NARS2: variants seen among roughly 807,000 people sequenced by gnomAD.
NARS2 encodes asparaginyl-tRNA synthetase.
Under a neutral mutation model 62.9 loss-of-function variants are expected in NARS2, and 60 were observed. The observed-to-expected ratio is 0.95, with a 90% CI of 0.77 to 1.18. The LOEUF is 1.18. Ranked by LOEUF, NARS2 falls within the 50% of genes most tolerant of loss-of-function variation. The pLI is 0.00. For missense variants in NARS2, 619 were observed against 576.4 expected (o/e 1.07, Z -0.76); for synonymous variants, 196 against 200.0 (o/e 0.98, Z 0.17).
intron 11 of NARS2, among the ~76,000 whole-genome samples, chr11:78,457,204 T>C (rs1858197354): frequency 6.6e-6 from 1 of 152,230 alleles, no homozygotes. Context: ...GAAAGGAAGA[T>C]AAATTATAAC....
At chr11:78,469,800 G>A (rs138191040) in intron 9 of NARS2, among the ~76,000 whole-genome samples, 1 of 152,130 alleles carries the variant, frequency 6.6e-6, no homozygotes, top group Admixed American at 6.5e-5. Flanking sequence ...GGTGAGGAGA[G>A]AGTAGACAGA....
intron 4 of NARS2, among the ~76,000 whole-genome samples, chr11:78,563,272 C>T (rs1416717096): frequency 1.5e-5 from 2 of 134,850 alleles, no homozygotes; most frequent in African/African-American, 5.7e-5. Flanking sequence ...GGTTGGAGTG[C>T]AGTGGCGCAA....
intron 9 of NARS2, 54 bp downstream of exon 9, chr11:78,478,382 AGT>A (rs1381016966): frequency 1.3e-6 from 1 of 748,540 alleles, no homozygotes; most frequent in African/African-American, 1.8e-5. Context: ...ATTATAATAT[AGT>A]GTGATAAATA....
chr11:78,544,559 G>A (rs1327036535), intron 5 of NARS2, among the ~76,000 whole-genome samples: 1 of 152,108 alleles, frequency 6.6e-6, no homozygotes, highest in African/African-American at 2.4e-5. Flanking sequence ...TTGGGAGACT[G>A]AGGCAGGCAG....
chr11:78,528,266 C>G (rs1861359909), intron 6 of NARS2, among the ~76,000 whole-genome samples: 1 of 152,094 alleles, frequency 6.6e-6, no homozygotes, highest in South Asian at 2.1e-4. Context: ...CACAGAATTA[C>G]AGAATATAAG....
intron 6 of NARS2, 72 bp from the exon 7 acceptor site, chr11:78,493,267 G>T: frequency 6.9e-7 from 1 of 1,445,104 alleles, no homozygotes; most frequent in Non-Finnish European, 9.5e-7. Flanking sequence ...TATTCAGTGA[G>T]CTCTTACGGA....
At chr11:78,525,915 C>T (rs1042256685) in intron 6 of NARS2, among the ~76,000 whole-genome samples, 1 of 152,056 alleles carries the variant, frequency 6.6e-6, no homozygotes, top group East Asian at 1.9e-4. Flanking sequence ...CTAGTCTAAT[C>T]ATGAGAAAAA....
chr11:78,540,584 A>C (rs1033622605), intron 5 of NARS2, among the ~76,000 whole-genome samples: 3 of 152,184 alleles, frequency 2.0e-5, no homozygotes, highest in African/African-American at 7.2e-5. Context: ...CCTTTTACCC[A>C]GTTCTATTTA....
chr11:78,487,507 A>G (rs1351514871), intron 7 of NARS2, among the ~76,000 whole-genome samples: 6 of 152,176 alleles, frequency 3.9e-5, no homozygotes, highest in Non-Finnish European at 7.3e-5. Flanking sequence ...GAGTACCAGA[A>G]GCAGAAAAGA....
In NARS2 at chr11:78,561,729, T is replaced by C. The variant is rs770237188; in HGVS notation, c.514-2110A>G. On this transcript the variant is annotated intron_variant, in intron 4 of 13. Coordinates refer to ENST00000281038, the MANE Select transcript of NARS2 (RefSeq NM_024678.6). ...GGAATTGCTAGCCACAGGCAGGCCA[T>C]AGACAACATAAAGTGACAGCAAGAA... Among the ~76,000 whole-genome samples, 132 of 152,288 alleles carry C rather than the reference T, an allele frequency of 8.7e-4. 1 individual carries two copies. Among genetic ancestry groups the C allele is most frequent in the Middle Eastern group, 3.4e-3 (1 of 294 alleles).
At chr11:78,572,736 T>C (rs963814879) in intron 1 of NARS2, among the ~76,000 whole-genome samples, 9 of 152,218 alleles carry the variant, frequency 5.9e-5, no homozygotes, top group African/African-American at 2.2e-4. Context: ...TAATTTAAAA[T>C]TTCTTTTTGT....
At chr11:78,493,783 C>T (rs1215795656) in intron 6 of NARS2, among the ~76,000 whole-genome samples, 4 of 152,000 alleles carry the variant, frequency 2.6e-5, no homozygotes, top group African/African-American at 9.7e-5. Flanking sequence ...AGAAACATAA[C>T]CACTTCTGGG....
chr11:78,561,635 T>C (rs771678660), intron 4 of NARS2, among the ~76,000 whole-genome samples: 1 of 152,226 alleles, frequency 6.6e-6, no homozygotes, highest in Non-Finnish European at 1.5e-5. Flanking sequence ...TAATAGATTA[T>C]CTTTTTCTTT....
At chr11:78,526,886 T>C (rs1321443263) in intron 6 of NARS2, among the ~76,000 whole-genome samples, 1 of 152,172 alleles carries the variant, frequency 6.6e-6, no homozygotes, top group African/African-American at 2.4e-5. Flanking sequence ...AAACCTTGAA[T>C]ATAAGGCCAA....
chr11:78,541,924 T>C (rs1855635902), intron 5 of NARS2, among the ~76,000 whole-genome samples: 1 of 152,192 alleles, frequency 6.6e-6, no homozygotes, highest in Non-Finnish European at 1.5e-5. Flanking sequence ...CTGCATTCTA[T>C]TTTGCCGGTT....
intron 6 of NARS2, among the ~76,000 whole-genome samples, chr11:78,497,519 T>G (rs1860113031): frequency 6.6e-6 from 1 of 152,218 alleles, no homozygotes; most frequent in Non-Finnish European, 1.5e-5. Flanking sequence ...ATATCACTTC[T>G]TTACTGTTAG....
chr11:78,555,020 T>C (rs1471197712), intron 5 of NARS2, among the ~76,000 whole-genome samples: 2 of 152,244 alleles, frequency 1.3e-5, no homozygotes, highest in Non-Finnish European at 2.9e-5. Context: ...GTTCTATTTA[T>C]GTGATGAATC....
At chr11:78,510,220 T>C (rs1860668171) in intron 6 of NARS2, among the ~76,000 whole-genome samples, 1 of 152,102 alleles carries the variant, frequency 6.6e-6, no homozygotes, top group South Asian at 2.1e-4. Context: ...CCCAATTATA[T>C]GCTGTCTATA....
intron 7 of NARS2, 130 bp from the exon 8 acceptor site, chr11:78,478,813 G>A: frequency 4.1e-6 from 2 of 483,590 alleles, no homozygotes; most frequent in Non-Finnish European, 7.1e-6. Flanking sequence ...ATCCTTGAAT[G>A]TACCATGGAA....
Sources: allele counts gnomAD v4.1 joint callset (sites outside exome capture counted in the v4.1 genomes callset), GRCh38; gene constraint gnomAD v4.1.1; transcripts MANE v1.5; gene names NCBI Gene and HGNC (gene_info 2026-07-23, HGNC 2026-07-21).